Variants in PLEKHG1 observed in about 807,000 individuals in gnomAD.
PLEKHG1 encodes the protein pleckstrin homology and RhoGEF domain containing G1.
In PLEKHG1, 44 loss-of-function variants were observed where a neutral mutation model predicts 100.8. The observed-to-expected ratio is 0.44, with a 90% CI of 0.34 to 0.56. The LOEUF is 0.56. PLEKHG1 is among the 20% of genes least tolerant of loss of function. PLEKHG1 has a pLI of 0.01. For synonymous variants in PLEKHG1, 640 were observed against 662.5 expected, an observed-to-expected ratio of 0.97 and a Z score of 0.52; for missense variants, 1,545 against 1,720.9, an observed-to-expected ratio of 0.90 and a Z score of 1.81.
chr6:150,836,596 T>G (rs1349964850), intron 15 of PLEKHG1, among the ~76,000 whole-genome samples: 2 of 151,108 alleles, frequency 1.3e-5, no homozygotes, highest in Non-Finnish European at 3.0e-5. Flanking sequence ...GCAGGAAGAT[T>G]GCTTGAGCTC....
chr6:150,800,092 C>A (rs4869694), intron 5 of PLEKHG1, among the ~76,000 whole-genome samples: 5,765 of 152,232 alleles, frequency 0.038, 156 homozygotes, highest in African/African-American at 0.072. Context: ...TTCCCAGAAG[C>A]TGTATCACTT....
At position 150,840,207 on chromosome 6, in the gene PLEKHG1, T is replaced by C. The variant is rs372720251; in HGVS notation, c.3469T>C (p.Trp1157Arg). The C allele has an allele frequency of 2.5e-6, 4 of 1,614,084 alleles. No individual in the cohort carries two copies. The African/African-American group carries it at 5.3e-5, about 22-fold the overall frequency. The change falls in exon 16 of 16, where the codon TGG (tryptophan) becomes CGG (arginine). Residue 1157 changes from tryptophan to arginine, a missense_variant. Trp to Arg is a moderately radical substitution (Grantham distance 101). Coordinates refer to ENST00000358517, the Ensembl canonical transcript of PLEKHG1. ...AGTAAGTCAGCCCAACAAAGAGAAC[T>C]GGTGTCAGGACCATCTTTACAACTC...
chr6:150,676,050 A>G (rs1183722789), intron 3 of PLEKHG1, among the ~76,000 whole-genome samples: 2 of 152,246 alleles, frequency 1.3e-5, no homozygotes, highest in Non-Finnish European at 2.9e-5. Flanking sequence ...AGAATTACAG[A>G]TTTGCAGTAG....
At chr6:150,711,019 A>G (rs1376719374) in intron 3 of PLEKHG1, among the ~76,000 whole-genome samples, 1 of 152,126 alleles carries the variant, frequency 6.6e-6, no homozygotes, top group Non-Finnish European at 1.5e-5. Context: ...CCTTTTGAGG[A>G]CGCAGCGATG....
chr6:150,747,317 A>G (rs1458220900), intron 2 of PLEKHG1, among the ~76,000 whole-genome samples: 1 of 152,216 alleles, frequency 6.6e-6, no homozygotes, highest in Non-Finnish European at 1.5e-5. Context: ...CACATTGAAG[A>G]TTTACCTGGG....
At chr6:150,822,373 G>T (rs150868642) in intron 13 of PLEKHG1, among the ~76,000 whole-genome samples, 40 of 152,206 alleles carry the variant, frequency 2.6e-4, no homozygotes, top group African/African-American at 8.9e-4. Flanking sequence ...CGCTTCAGGG[G>T]CAAAATTTGG....
intron 4 of PLEKHG1, among the ~76,000 whole-genome samples, chr6:150,790,997 C>CT (rs1785942035): frequency 6.6e-6 from 1 of 152,128 alleles, no homozygotes; most frequent in Non-Finnish European, 1.5e-5. Flanking sequence ...CACTCCAAGC[C>CT]TGGGCGACAG....
chr6:150,812,658 GA>G (rs1436750277), intron 10 of PLEKHG1, among the ~76,000 whole-genome samples: 1 of 152,162 alleles, frequency 6.6e-6, no homozygotes, highest in African/African-American at 2.4e-5. Context: ...AGTTTGGAGA[GA>G]AAGGCAAGAG....
chr6:150,605,026 C>T (rs1439629810), intron 1 of PLEKHG1, among the ~76,000 whole-genome samples: 2 of 152,178 alleles, frequency 1.3e-5, no homozygotes, highest in Non-Finnish European at 2.9e-5. Context: ...TCGTTCCACA[C>T]AAAGTTGAAA....
At chr6:150,755,784 A>G (rs1041522517) in intron 2 of PLEKHG1, among the ~76,000 whole-genome samples, 6 of 152,176 alleles carry the variant, frequency 3.9e-5, no homozygotes, top group Non-Finnish European at 8.8e-5. Context: ...TGAGGCCTTC[A>G]TGTTGCATCC....
intron 3 of PLEKHG1, among the ~76,000 whole-genome samples, chr6:150,669,753 C>A (rs1017772284): frequency 6.6e-6 from 1 of 151,772 alleles, no homozygotes; most frequent in Non-Finnish European, 1.5e-5. Flanking sequence ...CCTGCCACCA[C>A]GCCCAGCTAA....
intron 2 of PLEKHG1, among the ~76,000 whole-genome samples, chr6:150,764,407 C>T (rs1022573072): frequency 2.6e-5 from 4 of 152,216 alleles, no homozygotes; most frequent in Non-Finnish European, 5.9e-5. Flanking sequence ...GCATGAGCCA[C>T]TGCACCCGGC....
chr6:150,839,191 T>C (rs1379944809), intron 15 of PLEKHG1, among the ~76,000 whole-genome samples: 1 of 152,226 alleles, frequency 6.6e-6, no homozygotes, highest in African/African-American at 2.4e-5. Context: ...CTTGGCTCAC[T>C]GCAGCCTCCG....
intron 10 of PLEKHG1, among the ~76,000 whole-genome samples, chr6:150,810,554 A>G (rs117651624): frequency 0.25 from 36,284 of 144,304 alleles, 4,960 homozygotes; most frequent in Middle Eastern, 0.34. Flanking sequence ...AAGGAAGGAA[A>G]GAAAGAAAGA....
At chr6:150,808,981 GTAGA>G (rs1787316415) in intron 7 of PLEKHG1, 120 bp from the exon 9 acceptor site, 1 of 694,636 alleles carries the variant, frequency 1.4e-6, no homozygotes, top group Non-Finnish European at 2.5e-6. Flanking sequence ...CAGATACCAC[GTAGA>G]TAGTTAGACC....
intron 3 of PLEKHG1, among the ~76,000 whole-genome samples, chr6:150,698,302 C>A (rs963148457): frequency 2.0e-5 from 3 of 152,096 alleles, no homozygotes; most frequent in Non-Finnish European, 4.4e-5. Context: ...TGTAGATGCT[C>A]AAAAAATTAT....
chr6:150,656,037 G>C (rs1416482044), intron 3 of PLEKHG1, among the ~76,000 whole-genome samples: 1 of 151,742 alleles, frequency 6.6e-6, no homozygotes, highest in Non-Finnish European at 1.5e-5. Flanking sequence ...CATGGCACGT[G>C]TATACCTATG....
chr6:150,639,945 G>T (rs980215642), intron 2 of PLEKHG1, among the ~76,000 whole-genome samples: 1 of 152,234 alleles, frequency 6.6e-6, no homozygotes, highest in Non-Finnish European at 1.5e-5. Flanking sequence ...GACCTCGGAG[G>T]TTTCTACGCA....
At chr6:150,804,536 C>T (rs75044699) in intron 6 of PLEKHG1, 74 bp from the exon 8 acceptor site, 29,171 of 1,184,006 alleles carry the variant, frequency 0.025, 470 homozygotes, top group Non-Finnish European at 0.029. Flanking sequence ...CTAATCATAG[C>T]GGTGCCATTT....
Sources: gnomAD v4.1 joint callset for allele counts (sites outside exome capture counted in the v4.1 genomes callset) on GRCh38, gnomAD v4.1.1 for gene constraint, MANE v1.5 for transcripts, NCBI Gene and HGNC (gene_info 2026-07-23, HGNC 2026-07-21) for gene names.